The following CANX variants were observed in gnomAD, a reference collection of about 807,000 sequenced individuals.
The protein encoded by CANX is epididymis secretory sperm binding protein.
Under a neutral mutation model 75.7 loss-of-function variants are expected in CANX, and 14 were observed. The ratio of observed to expected loss-of-function variants is 0.19; its 90% CI spans 0.12 to 0.29. The LOEUF is 0.29. CANX is among the 10% of genes least tolerant of loss of function. CANX has a pLI of 1.00. For missense variants in CANX, 567 were observed against 713.2 expected (o/e 0.79, Z 2.34); for synonymous variants, 227 against 236.9 (o/e 0.96, Z 0.38).
Position 179,724,671 on chromosome 5 carries a change from T to A in CANX, c.1533T>A (p.Gly511=). 1 of 1,613,446 alleles carries A rather than the reference T, an allele frequency of 6.2e-7. No individual in the cohort carries two copies. The change falls in exon 13 of 15, where the codon GGT becomes GGA. Residue 511 remains glycine, a synonymous_variant. Transcript: ENST00000247461. ...GAACATTTCAGAAACAGACCAGTGGTATGGAGTATAAGAAAACTGATGCAC... is the reference window on the plus strand; with the variant it reads ...GAACATTTCAGAAACAGACCAGTGGAATGGAGTATAAGAAAACTGATGCAC... ...FCCSGKKQTS[G]MEYKKTDAPQ... is the part of the protein sequence containing the mutation.
At chr5:179,685,823 G>A (rs1468750782) in intron 1 of CANX, among the ~76,000 whole-genome samples, 1 of 151,860 alleles carries the variant, frequency 6.6e-6, no homozygotes, top group African/African-American at 2.4e-5. Flanking sequence ...CCAAAGTGTT[G>A]GAATTATAGG....
Position 179,725,434 on chromosome 5 carries a change from C to T in CANX, c.1645+651C>T, listed in dbSNP as rs554169509. ...CGGTGGCTCACGCCTGTAATTCCAG[C>T]ACTTTGGGGGGCCGAAGCAGGCAGA... On this transcript the variant is annotated intron_variant, in intron 13 of 14. Transcript: ENST00000247461. Among the ~76,000 whole-genome samples, 4 of 152,024 alleles carry T rather than the reference C, an allele frequency of 2.6e-5. No homozygotes were observed. The East Asian group carries it at 7.8e-4, about 30-fold the overall frequency.
chr5:179,725,635 T>A (rs1257604579), intron 13 of CANX, among the ~76,000 whole-genome samples: 1 of 136,466 alleles, frequency 7.3e-6, no homozygotes, highest in Non-Finnish European at 1.5e-5. Flanking sequence ...GAGCCGAGAT[T>A]GGGCCACTGC....
At chr5:179,685,655 A>G (rs1438299110) in intron 1 of CANX, among the ~76,000 whole-genome samples, 1 of 149,340 alleles carries the variant, frequency 6.7e-6, no homozygotes, top group Non-Finnish European at 1.5e-5. Context: ...GCTGGGTTCA[A>G]GAGATACTCC....
At chr5:179,724,807 C>G in intron 13 of CANX, 24 bp downstream of exon 13, 1 of 1,588,980 alleles carries the variant, frequency 6.3e-7, no homozygotes, top group Non-Finnish European at 8.6e-7. Flanking sequence ...TCCAGAAAAT[C>G]TGCTTTAAGC....
chr5:179,688,457 G>A (rs11750523), intron 1 of CANX, among the ~76,000 whole-genome samples: 48,341 of 146,802 alleles, frequency 0.33, 8,555 homozygotes, highest in South Asian at 0.53. Flanking sequence ...TCTGCCTCCC[G>A]GGTTCACGCC....
intron 1 of CANX, among the ~76,000 whole-genome samples, chr5:179,702,030 C>A (rs569780258): frequency 6.6e-6 from 1 of 151,614 alleles, no homozygotes; most frequent in Non-Finnish European, 1.5e-5. Flanking sequence ...TGTGAGCCAC[C>A]GCGCTCAGCC....
At chr5:179,681,086 G>A in intron 1 of CANX, 1 of 618,610 alleles carries the variant, frequency 1.6e-6, no homozygotes, top group South Asian at 1.8e-5. Flanking sequence ...GACTCACAAT[G>A]CCTCCAGGCC....
intron 11 of CANX, 100 bp from the exon 12 acceptor site, chr5:179,723,560 C>A: frequency 1.7e-6 from 2 of 1,199,480 alleles, no homozygotes; most frequent in Non-Finnish European, 2.4e-6. Context: ...AAAGAAGGTC[C>A]TGCGTAGTGC....
In CANX at chr5:179,690,752, G is replaced by A. The variant is rs188205783; in HGVS notation, c.-4+11975G>A. Among the ~76,000 whole-genome samples the A allele has an allele frequency of 1.9e-3, 280 of 151,314 alleles. 1 individual carries two copies. The highest frequency in any genetic ancestry group is 0.01 in the Middle Eastern group (3 of 294). Reference sequence around the variant, plus strand: ...AAAAATACAAAAATTAGCCGGGCGCGGTGGCATGCGCCTGTAATCCCAGCT... The same window carrying A: ...AAAAATACAAAAATTAGCCGGGCGCAGTGGCATGCGCCTGTAATCCCAGCT... On this transcript the variant is annotated intron_variant, in intron 1 of 14. Transcript: ENST00000681674.
At chr5:179,695,233 T>C (rs1278933651), upstream of CANX, among the ~76,000 whole-genome samples, 1 of 151,496 alleles carries the variant, frequency 6.6e-6, no homozygotes, top group Non-Finnish European at 1.5e-5. Context: ...GTGTGTGTGG[T>C]TTTTTTTAGT....
rs766555073 is a variant in CANX at position 179,724,791 on chromosome 5, A to G, written c.1645+8A>G. 4 of 1,600,652 alleles carry G rather than the reference A, an allele frequency of 2.5e-6. No homozygotes were observed. The East Asian group carries it at 9.1e-5, about 36-fold the overall frequency. ...AAGGAGAAGAGAAACTTGGTAAGAA[A>G]CAGAGTCCAGAAAATCTGCTTTAAG... On this transcript the variant is annotated splice_region_variant and intron_variant, in intron 13 of 14. Transcript: ENST00000247461.
intron 14 of CANX, 136 bp from the exon 15 acceptor site, chr5:179,728,455 T>C: frequency 3.2e-6 from 2 of 618,820 alleles, no homozygotes; most frequent in South Asian, 3.9e-5. Flanking sequence ...TTCTTCTTGG[T>C]GCATTTTCTT....
chr5:179,716,200 T>C lies in CANX; in HGVS notation c.817T>C (p.Ser273Pro). 1 of 1,613,814 alleles carries C rather than the reference T, an allele frequency of 6.2e-7. No homozygotes were observed. The highest frequency in any genetic ancestry group is 8.5e-7 in the Non-Finnish European group (1 of 1,179,688). The change falls in exon 8 of 15, where the codon TCA (serine) becomes CCA (proline). Residue 273 changes from serine to proline, a missense_variant. Transcript: ENST00000247461. ...TGACATGACTCCTCCTGTAAATCCT[T>C]CACGTGAAATTGAGGACCCAGAAGA... ...LNDMTPPVNP[S>P]REIEDPEDRK...
intron 7 of CANX, 42 bp downstream of exon 7, chr5:179,710,107 T>C (rs766774974): frequency 1.8e-6 from 2 of 1,138,836 alleles, no homozygotes; most frequent in Non-Finnish European, 2.5e-6. Context: ...GTATTACATA[T>C]ATATCATCCA....
chr5:179,725,439 T>G (rs894798750), intron 13 of CANX, among the ~76,000 whole-genome samples: 1 of 151,652 alleles, frequency 6.6e-6, no homozygotes, highest in Non-Finnish European at 1.5e-5. Flanking sequence ...TCCAGCACTT[T>G]GGGGGGCCGA....
Position 179,720,432 on chromosome 5 carries a change from G to C in CANX, c.1054G>C (p.Ala352Pro), listed in dbSNP as rs1227565725. 3 of 1,613,838 alleles carry C rather than the reference G, an allele frequency of 1.9e-6. No homozygotes were observed. The African/African-American group carries it at 4.0e-5, about 22-fold the overall frequency. ...TGAAGACATGGATGGAGAATGGGAG[G>C]CTCCTCAGATTGCCAACCCTAGATG... ...WDEDMDGEWE[A>P]PQIANPRCES... The change falls in exon 10 of 15, where the codon GCT becomes CCT. Residue 352 changes from alanine to proline, a missense_variant. Transcript: ENST00000247461.
Position 179,705,777 on chromosome 5 carries a change from G to C in CANX, c.96G>C (p.Glu32Asp), listed in dbSNP as rs768479664. Residue 32 changes from glutamate (E) to aspartate (D), a missense_variant, in exon 2 of 15, where the codon GAG (glutamate) becomes GAC (aspartate). Physicochemically the swap from Glu to Asp is conservative, Grantham distance 45. Coordinates refer to ENST00000247461, the MANE Select transcript of CANX (RefSeq NM_001746.4). ...ATGATGATGATGTGATTGATATTGA[G>C]GATGACCTTGACGATGTCATTGAAG... is the stretch of plus-strand genomic sequence containing the variant. ...DGHDDDVIDI[E>D]DDLDDVIEEV... The C allele has an allele frequency of 5.0e-6, 8 of 1,611,444 alleles. No homozygotes were observed. In the South Asian group the frequency reaches 8.8e-5, roughly 18 times the overall value.
chr5:179,723,084 T>C (rs756226241), intron 11 of CANX, 65 bp downstream of exon 11: 2 of 1,399,862 alleles, frequency 1.4e-6, no homozygotes, highest in Non-Finnish European at 2.0e-6. Flanking sequence ...TGTGAAAGTC[T>C]GTGTTAAGGT....
Sources: allele counts gnomAD v4.1 joint callset (sites outside exome capture counted in the v4.1 genomes callset), GRCh38; gene constraint gnomAD v4.1.1; transcripts MANE v1.5; gene names NCBI Gene and HGNC (gene_info 2026-07-23, HGNC 2026-07-21).